The following RABGAP1L variants were observed in gnomAD, a reference collection of about 807,000 sequenced individuals.
RABGAP1L encodes RAB GTPase activating protein 1 like.
A neutral mutation model predicts 137.7 loss-of-function variants in RABGAP1L; 63 were observed. The ratio of observed to expected loss-of-function variants is 0.46; its 90% CI spans 0.37 to 0.56. The LOEUF is 0.56. RABGAP1L is among the 20% of genes least tolerant of loss of function. The probability of loss-of-function intolerance (pLI) is 0.00; values close to 1 mark genes in which losing one functional copy is unlikely to be tolerated. For missense variants in RABGAP1L, 1,095 were observed against 1,244.0 expected (o/e 0.88, Z 1.80); for synonymous variants, 431 against 433.7 (o/e 0.99, Z 0.08).
At chr1:174,377,378 G>A (rs182744861) in intron 12 of RABGAP1L, among the ~76,000 whole-genome samples, 15 of 152,232 alleles carry the variant, frequency 9.9e-5, no homozygotes, top group African/African-American at 3.4e-4. Flanking sequence ...AGGAAGCAGA[G>A]TAACTAGAAT....
intron 18 of RABGAP1L, among the ~76,000 whole-genome samples, chr1:174,795,403 A>T (rs1007888675): frequency 6.6e-6 from 1 of 152,186 alleles, no homozygotes; most frequent in African/African-American, 2.4e-5. Flanking sequence ...GAAAGAGTCT[A>T]TACAAACAAA....
intron 13 of RABGAP1L, among the ~76,000 whole-genome samples, chr1:174,436,826 G>A (rs1653392449): frequency 6.6e-6 from 1 of 152,204 alleles, no homozygotes; most frequent in South Asian, 2.1e-4. Flanking sequence ...CCCCAGTAGG[G>A]GCAGACTGAA....
At chr1:174,308,823 A>AT (rs1462117280) in intron 11 of RABGAP1L, among the ~76,000 whole-genome samples, 1 of 151,744 alleles carries the variant, frequency 6.6e-6, no homozygotes, top group African/African-American at 2.4e-5. Flanking sequence ...TCCAGCTTTG[A>AT]TCTTTTTGCT....
At chr1:174,547,967 A>T in intron 13 of RABGAP1L, 1 of 1,550,488 alleles carries the variant, frequency 6.4e-7, no homozygotes, top group Non-Finnish European at 8.7e-7. Context: ...CTGATTACTT[A>T]TACTTTTTGT....
chr1:174,969,349 G>C lies in RABGAP1L; in HGVS notation c.2506G>C (p.Val836Leu). Reference sequence around the variant, plus strand: ...GAATGATGACCTTGCCCATGAACTAGTAACAAGCAAAATTGCTCTACGGAA... The same window carrying C: ...GAATGATGACCTTGCCCATGAACTACTAACAAGCAAAATTGCTCTACGGAA... ...QENDDLAHEL[V>L]TSKIALRNDL... The change falls in exon 21 of 26, where the codon GTA becomes CTA. Residue 836 changes from valine to leucine, a missense_variant. By Grantham distance (32) the Val-to-Leu change is conservative (BLOSUM62 1). Transcript: ENST00000681986. 6.4e-7 allele frequency: 1 copy of C among 1,550,672 alleles called. No homozygotes were observed. The highest frequency in any genetic ancestry group is 2.0e-5 in the Admixed American group (1 of 51,000).
chr1:174,644,450 A>G (rs1375302460), intron 14 of RABGAP1L, among the ~76,000 whole-genome samples: 1 of 151,972 alleles, frequency 6.6e-6, no homozygotes, highest in Non-Finnish European at 1.5e-5. Flanking sequence ...GATTGGTGTG[A>G]CGCCTAAGGG....
intron 13 of RABGAP1L, among the ~76,000 whole-genome samples, chr1:174,516,842 G>A (rs890898886): frequency 3.3e-5 from 5 of 151,660 alleles, no homozygotes; most frequent in African/African-American, 4.8e-5. Flanking sequence ...CAGGAGAATC[G>A]CTTGAACCCA....
rs200680459 is a variant in RABGAP1L, at chr1:174,449,165, C to T, written c.1710+55020C>T. The T allele has an allele frequency of 4.7e-4, 762 of 1,606,786 alleles. 4 individuals are homozygous for T. The highest frequency in any genetic ancestry group is 3.7e-3 in the South Asian group (334 of 89,344). On this transcript the variant is annotated intron_variant, in intron 13 of 25. Transcript: ENST00000681986. Reference sequence around the variant, plus strand: ...GGATCAGGAAGCACAAGAACCCAAACCTAGGAAACGGGCTAATTCTTGCTC... The same window carrying T: ...GGATCAGGAAGCACAAGAACCCAAATCTAGGAAACGGGCTAATTCTTGCTC...
intron 17 of RABGAP1L, among the ~76,000 whole-genome samples, chr1:174,730,044 A>G (rs1682332147): frequency 1.3e-5 from 2 of 152,232 alleles, no homozygotes; most frequent in African/African-American, 4.8e-5. Context: ...AAAAACATGG[A>G]ATCAATCCAG....
intron 19 of RABGAP1L, among the ~76,000 whole-genome samples, chr1:174,876,511 T>C (rs1653130131): frequency 6.6e-6 from 1 of 152,184 alleles, no homozygotes; most frequent in South Asian, 2.1e-4. Flanking sequence ...AGCAACTTTG[T>C]AATGGTGATT....
chr1:174,741,020 T>G (rs989724360), intron 17 of RABGAP1L, among the ~76,000 whole-genome samples: 13 of 150,398 alleles, frequency 8.6e-5, no homozygotes, highest in African/African-American at 3.2e-4. Flanking sequence ...AGGTTGTCTC[T>G]TCACTCTGTT....
chr1:174,741,705 G>C (rs1037075743), intron 17 of RABGAP1L, among the ~76,000 whole-genome samples: 2 of 151,706 alleles, frequency 1.3e-5, no homozygotes, highest in African/African-American at 4.8e-5. Context: ...TCAGTTGGCT[G>C]TAACTATGTG....
chr1:174,282,440 A>G (rs1307560207), intron 10 of RABGAP1L, among the ~76,000 whole-genome samples: 1 of 152,086 alleles, frequency 6.6e-6, no homozygotes, highest in African/African-American at 2.4e-5. Flanking sequence ...TATCTTCTTT[A>G]TAAAATGTCT....
intron 19 of RABGAP1L, among the ~76,000 whole-genome samples, chr1:174,901,258 T>C (rs1014215988): frequency 6.6e-6 from 1 of 152,172 alleles, no homozygotes; most frequent in Admixed American, 6.5e-5. Flanking sequence ...CTCACACTGC[T>C]AATAAAGACA....
At chr1:174,760,181 A>T (rs1558052055) in intron 18 of RABGAP1L, among the ~76,000 whole-genome samples, 1 of 145,616 alleles carries the variant, frequency 6.9e-6, no homozygotes, top group Non-Finnish European at 1.5e-5. Flanking sequence ...TTTAAAGCAG[A>T]TTTTTTTTTT....
intron 11 of RABGAP1L, among the ~76,000 whole-genome samples, chr1:174,337,943 T>C (rs960924758): frequency 3.3e-5 from 5 of 152,184 alleles, no homozygotes; most frequent in African/African-American, 9.7e-5. Flanking sequence ...TTTAAATCAT[T>C]ACAGAAGTTA....
intron 10 of RABGAP1L, among the ~76,000 whole-genome samples, chr1:174,295,683 C>CT (rs375647532): frequency 0.042 from 5,918 of 140,004 alleles, 165 homozygotes; most frequent in Middle Eastern, 0.099. Flanking sequence ...CGCAGCCAGC[C>CT]TTTTTTTTTT....
chr1:174,185,724 G>C (rs1027058936), intron 1 of RABGAP1L, among the ~76,000 whole-genome samples: 1 of 152,068 alleles, frequency 6.6e-6, no homozygotes, highest in Non-Finnish European at 1.5e-5. Context: ...CCTCCTTCCT[G>C]CACCCCCTTT....
intron 18 of RABGAP1L, among the ~76,000 whole-genome samples, chr1:174,785,726 G>A (rs1208642970): frequency 6.6e-6 from 1 of 152,212 alleles, no homozygotes; most frequent in Non-Finnish European, 1.5e-5. Flanking sequence ...TCACTCTCAT[G>A]TCTATAACCC....
Sources: allele counts gnomAD v4.1 joint callset (sites outside exome capture counted in the v4.1 genomes callset), GRCh38; gene constraint gnomAD v4.1.1; transcripts MANE v1.5; gene names NCBI Gene and HGNC (gene_info 2026-07-23, HGNC 2026-07-21).